The following CC2D2A variants were observed in gnomAD, a reference collection of about 807,000 sequenced individuals.
CC2D2A encodes the protein coiled-coil and C2 domain-containing protein 2A.
A neutral mutation model predicts 212.9 loss-of-function variants in CC2D2A; 155 were observed. The observed-to-expected ratio is 0.73, with a 90% CI of 0.64 to 0.83. The LOEUF is 0.83. CC2D2A is among the 40% of genes least tolerant of loss of function. CC2D2A has a pLI of 0.00. For missense variants in CC2D2A, 1,856 were observed against 1,956.2 expected (o/e 0.95, Z 0.97); for synonymous variants, 667 against 686.5 (o/e 0.97, Z 0.44).
chr4:15,489,932 A>C (rs980601992), intron 4 of CC2D2A, among the ~76,000 whole-genome samples: 19 of 152,054 alleles, frequency 1.2e-4, no homozygotes, highest in Non-Finnish European at 2.4e-4. Flanking sequence ...CGACTACTCC[A>C]TGTTGGAGCA....
rs28661857 is a variant in CC2D2A, at chr4:15,589,842, C to T, written c.4314+163C>T. 0.28 allele frequency among the ~76,000 whole-genome samples: 41,750 copies of T among 149,960 alleles called. 6,081 individuals carry two copies. The highest frequency in any genetic ancestry group is 0.47 in the East Asian group (2,418 of 5,108). Reference sequence around the variant, plus strand: ...CAGTTAAAAGAAATGCAGTGTCAAGCACAGTGGCGGAACTGTGCTAAATAC... The same window carrying T: ...CAGTTAAAAGAAATGCAGTGTCAAGTACAGTGGCGGAACTGTGCTAAATAC... On this transcript the variant is annotated intron_variant, in intron 33 of 36. Coordinates refer to ENST00000424120, the MANE Select transcript of CC2D2A (RefSeq NM_001378615.1).
intron 21 of CC2D2A, among the ~76,000 whole-genome samples, 181 bp from the exon 22 acceptor site, chr4:15,558,984 A>C (rs546119458): frequency 2.0e-5 from 3 of 152,364 alleles, no homozygotes; most frequent in South Asian, 4.1e-4. Flanking sequence ...CATTTCAGCC[A>C]CCTGTCTCAG....
rs749265354 is a variant in CC2D2A at position 15,599,609 on chromosome 4, C to A, written c.4577C>A (p.Thr1526Asn). ...LTRWNRYCTS[T>N]LRHFLPLLEK... The stretch of plus-strand genomic sequence containing the variant: ...CGGTGGAATAGGTATTGTACCTCTA[C>A]TCTGCGTCACTTCTTGCCTCTGTTA... The change falls in exon 36 of 37, where the codon ACT becomes AAT. Residue 1526 changes from threonine (T) to asparagine (N), a missense_variant. By Grantham distance (65) the Thr-to-Asn change is moderately conservative. Around this residue, in one of 5 missense-constraint regions of CC2D2A, gnomAD observed 285 missense variants for 278.4 expected, o/e 1.02. Coordinates refer to ENST00000424120, the MANE Select transcript of CC2D2A (RefSeq NM_001378615.1). 1.2e-6 allele frequency: 2 copies of A among 1,613,206 alleles called. No homozygotes were observed. The highest frequency in any genetic ancestry group is 1.7e-6 in the Non-Finnish European group (2 of 1,179,442).
Position 15,596,213 on chromosome 4 carries a change from A to T in CC2D2A, c.4437+6A>T. 2 of 1,508,886 alleles carry T rather than the reference A, an allele frequency of 1.3e-6. No individual in the cohort carries two copies. The highest frequency in any genetic ancestry group is 1.8e-6 in the Non-Finnish European group (2 of 1,129,586). The allele number at this position is 1,508,886 out of a possible 1,614,324, so 93.5% of individuals were successfully genotyped here. On this transcript the variant is annotated splice_donor_region_variant and intron_variant, in intron 34 of 36. Coordinates refer to ENST00000424120, the MANE Select transcript of CC2D2A (RefSeq NM_001378615.1). ...CTGGCCTTTCCAGTGTTCAGGTATA[A>T]ATCTTTTATTAACAGTTAAATGTAG...
chr4:15,589,580 T>C lies in CC2D2A; in HGVS notation c.4215T>C (p.Gly1405=). 6.2e-7 allele frequency: 1 copy of C among 1,612,770 alleles called. No homozygotes were observed. The highest frequency in any genetic ancestry group is 8.5e-7 in the Non-Finnish European group (1 of 1,179,218). ...CCTATGTGCTAACTTGGGAGCAAGGTCGTTATTTAATATGGAATCCCTGCA... is the reference window on the plus strand; with the variant it reads ...CCTATGTGCTAACTTGGGAGCAAGGCCGTTATTTAATATGGAATCCCTGCA... ...PTAYVLTWEQ[G]RYLIWNPCSG... The change falls in exon 33 of 37, where the codon GGT becomes GGC. Residue 1405 remains glycine, a synonymous_variant. Coordinates refer to ENST00000424120, the MANE Select transcript of CC2D2A (RefSeq NM_001378615.1).
intron 33 of CC2D2A, among the ~76,000 whole-genome samples, chr4:15,591,662 A>C (rs1443400007): frequency 6.6e-6 from 1 of 152,218 alleles, no homozygotes; most frequent in Non-Finnish European, 1.5e-5. Context: ...ACTGTGGAAC[A>C]CCATTCTCAT....
chr4:15,497,329 A>AC (rs1715676906), intron 4 of CC2D2A, among the ~76,000 whole-genome samples: 1 of 151,992 alleles, frequency 6.6e-6, no homozygotes, highest in African/African-American at 2.4e-5. Context: ...TGCTCTTCCT[A>AC]CCCCCTTATC....
intron 6 of CC2D2A, 41 bp from the exon 7 acceptor site, chr4:15,510,098 G>A (rs1313999137): frequency 2.0e-6 from 3 of 1,472,254 alleles, no homozygotes; most frequent in South Asian, 2.3e-5. Context: ...TAAGTTTCTT[G>A]GGTTAAATGG....
intron 32 of CC2D2A, 130 bp downstream of exon 32, chr4:15,588,059 G>A (rs763964667): frequency 2.5e-5 from 14 of 561,842 alleles, no homozygotes; most frequent in African/African-American, 3.8e-5. Context: ...CACAGATGCC[G>A]TAACGGGCAG....
chr4:15,592,920 T>C (rs60094906), intron 33 of CC2D2A, among the ~76,000 whole-genome samples: 4,065 of 152,274 alleles, frequency 0.027, 189 homozygotes, highest in East Asian at 0.22. Context: ...TTATCCTGAT[T>C]CAAACCCTCG....
Position 15,567,701 on chromosome 4 carries a change from G to T in CC2D2A, c.3313G>T (p.Val1105Phe). ...GGTTTTAGTACGTCCCTTTGTAGAA[G>T]TCTCTTTTCAACGAACAGTTTGCCA... ...GQVLVRPFVEVSFQRTVCHTT... is the reference protein window; with the variant it reads ...GQVLVRPFVEFSFQRTVCHTT... Residue 1105 changes from valine to phenylalanine, a missense_variant, in exon 26 of 37, where the codon GTC becomes TTC. Val to Phe is a conservative substitution (Grantham distance 50). Around this residue, in one of 5 missense-constraint regions of CC2D2A, gnomAD observed 1,512 missense variants for 1,579.3 expected, o/e 0.96. Transcript: ENST00000424120. 6.2e-7 allele frequency: 1 copy of T among 1,605,168 alleles called. No homozygotes were observed. Among genetic ancestry groups the T allele is most frequent in the South Asian group, 1.1e-5 (1 of 88,548 alleles).
intron 29 of CC2D2A, among the ~76,000 whole-genome samples, chr4:15,578,269 C>G (rs1352346996): frequency 6.6e-6 from 1 of 152,176 alleles, no homozygotes; most frequent in Non-Finnish European, 1.5e-5. Flanking sequence ...ATATAGGAGG[C>G]TTCTGGAGAT....
Position 15,502,403 on chromosome 4 carries a change from GTTTTGT to G in CC2D2A, c.248-9_248-4del, listed in dbSNP as rs1577329643. 6.7e-7 allele frequency: 1 copy of G among 1,481,626 alleles called. No individual in the cohort carries two copies. The highest frequency in any genetic ancestry group is 1.5e-5 in the African/African-American group (1 of 68,172). The allele number at this position is 1,481,626 out of a possible 1,614,324, so 91.8% of individuals were successfully genotyped here. ...TTTCTTTTTCTTTTTTTTTTATTTT[GTTTTGT>G]TTTTGTTTTTGTTTTTTAGGCTTAC... On this transcript the variant is annotated intron_variant, in intron 4 of 36. Coordinates refer to ENST00000424120, the MANE Select transcript of CC2D2A (RefSeq NM_001378615.1).
At chr4:15,571,092 T>A (rs192289320) in intron 28 of CC2D2A, among the ~76,000 whole-genome samples, 12 of 152,296 alleles carry the variant, frequency 7.9e-5, no homozygotes, top group Non-Finnish European at 1.2e-4. Context: ...GATAATTTTT[T>A]AAATATTAAA....
intron 33 of CC2D2A, among the ~76,000 whole-genome samples, chr4:15,593,758 C>G (rs1293069772): frequency 1.3e-5 from 2 of 152,170 alleles, no homozygotes; most frequent in Non-Finnish European, 2.9e-5. Context: ...CAGCGTCCAA[C>G]CACATCTCTC....
At chr4:15,574,390 C>A in intron 29 of CC2D2A, 64 bp downstream of exon 29, 1 of 1,296,880 alleles carries the variant, frequency 7.7e-7, no homozygotes, top group Non-Finnish European at 1.0e-6. Context: ...GCTTGCTAGG[C>A]TATACTTTTA....
intron 17 of CC2D2A, among the ~76,000 whole-genome samples, chr4:15,545,832 G>C (rs1718681767): frequency 6.6e-6 from 1 of 152,140 alleles, no homozygotes; most frequent in African/African-American, 2.4e-5. Context: ...AGTTGGGCCA[G>C]GCACAGTGGC....
At chr4:15,504,940 G>A (rs140364031) in intron 6 of CC2D2A, among the ~76,000 whole-genome samples, 6 of 152,264 alleles carry the variant, frequency 3.9e-5, no homozygotes, top group Admixed American at 2.0e-4. Context: ...GCTGACCAGG[G>A]CTAAAGGCTG....
chr4:15,497,980 C>T (rs1715712596), intron 4 of CC2D2A, among the ~76,000 whole-genome samples: 1 of 152,130 alleles, frequency 6.6e-6, no homozygotes, highest in Non-Finnish European at 1.5e-5. Context: ...AAATGAAATA[C>T]CTGTTTGTTA....
Sources: allele counts gnomAD v4.1 joint callset (sites outside exome capture counted in the v4.1 genomes callset), GRCh38; gene constraint gnomAD v4.1.1; regional missense constraint gnomAD v4.1.1; transcripts MANE v1.5; gene names NCBI Gene and HGNC (gene_info 2026-07-23, HGNC 2026-07-21).